The following EPB41 variants were observed in gnomAD, a reference collection of about 807,000 sequenced individuals.
EPB41 encodes erythrocyte membrane protein band 4.1.
A neutral mutation model predicts 108.0 loss-of-function variants in EPB41; 65 were observed. The observed-to-expected ratio is 0.60, with a 90% CI of 0.49 to 0.74. EPB41 has a LOEUF of 0.74. EPB41 is among the 30% of genes least tolerant of loss of function. The pLI is 0.00. For synonymous variants in EPB41, 336 were observed against 358.9 expected (o/e 0.94, Z 0.72); for missense variants, 875 against 1,037.0 (o/e 0.84, Z 2.15).
At chr1:29,090,781 G>A (rs142172013) in intron 16 of EPB41, among the ~76,000 whole-genome samples, 9 of 152,180 alleles carry the variant, frequency 5.9e-5, no homozygotes, top group Non-Finnish European at 1.3e-4. Flanking sequence ...AGGAAGTTGG[G>A]GTGGGAAGCC....
chr1:29,100,395 G>A lies in EPB41; in HGVS notation c.2313+2460G>A, dbSNP rs556606261. Among the ~76,000 whole-genome samples the A allele has an allele frequency of 9.4e-4, 138 of 146,574 alleles. 2 individuals are homozygous for A. The highest frequency in any genetic ancestry group is 1.1e-3 in the Non-Finnish European group (75 of 66,968). On this transcript the variant is annotated intron_variant, in intron 17 of 20. Transcript: ENST00000343067. Reference sequence around the variant, plus strand: ...GAGAATCGCTTGAATCTGGGAGGCGGAGGTTGCGGTTAGCCAAGATGGCGC... The same window carrying A: ...GAGAATCGCTTGAATCTGGGAGGCGAAGGTTGCGGTTAGCCAAGATGGCGC...
intron 1 of EPB41, among the ~76,000 whole-genome samples, chr1:28,982,909 C>T (rs1383147284): frequency 6.6e-6 from 1 of 152,054 alleles, no homozygotes; most frequent in Non-Finnish European, 1.5e-5. Context: ...AATGTAAATA[C>T]ATATCTTTAA....
chr1:28,947,071 G>T (rs1330831236), intron 1 of EPB41, among the ~76,000 whole-genome samples: 2 of 152,210 alleles, frequency 1.3e-5, no homozygotes, highest in Non-Finnish European at 2.9e-5. Context: ...CACCAGATAT[G>T]CAAGGGAAGG....
At chr1:28,998,888 A>G (rs2096241285) in intron 4 of EPB41, among the ~76,000 whole-genome samples, 1 of 152,246 alleles carries the variant, frequency 6.6e-6, no homozygotes, top group African/African-American at 2.4e-5. Flanking sequence ...GTATTAAAAA[A>G]TCATAACATC....
chr1:29,087,442 A>C (rs948463504), intron 16 of EPB41, among the ~76,000 whole-genome samples: 1 of 152,018 alleles, frequency 6.6e-6, no homozygotes, highest in Non-Finnish European at 1.5e-5. Flanking sequence ...AGCTCACTGC[A>C]ACCTCCACGT....
chr1:28,891,832 T>C (rs2147819928), intron 1 of EPB41, among the ~76,000 whole-genome samples: 1 of 152,242 alleles, frequency 6.6e-6, no homozygotes, highest in Admixed American at 6.5e-5. Context: ...CTCACACCTG[T>C]AATCCCAGCA....
At chr1:28,891,677 G>T (rs1209416532) in intron 1 of EPB41, among the ~76,000 whole-genome samples, 1 of 152,180 alleles carries the variant, frequency 6.6e-6, no homozygotes, top group Non-Finnish European at 1.5e-5. Context: ...GTGGTTGCTG[G>T]TCATTTTTCA....
At chr1:28,992,344 G>A (rs952924510) in intron 2 of EPB41, among the ~76,000 whole-genome samples, 4 of 152,028 alleles carry the variant, frequency 2.6e-5, no homozygotes, top group East Asian at 1.9e-4. Flanking sequence ...ATAATTAGTC[G>A]GGTTTAGATA....
intron 1 of EPB41, among the ~76,000 whole-genome samples, chr1:28,969,485 G>T (rs928955353): frequency 2.6e-5 from 4 of 152,048 alleles, no homozygotes; most frequent in Admixed American, 2.0e-4. Context: ...TGTGAAATTA[G>T]CCGGGCGCAG....
intron 1 of EPB41, among the ~76,000 whole-genome samples, chr1:28,898,228 C>G (rs1285689584): frequency 6.6e-6 from 1 of 152,078 alleles, no homozygotes; most frequent in East Asian, 1.9e-4. Flanking sequence ...CCTTCCTGCA[C>G]CCTCACAACT....
chr1:29,052,499 T>G (rs1411342447), intron 11 of EPB41, among the ~76,000 whole-genome samples: 1 of 152,240 alleles, frequency 6.6e-6, no homozygotes. Context: ...TTGTGTTATT[T>G]TAATCAAATG....
intron 1 of EPB41, among the ~76,000 whole-genome samples, chr1:28,926,472 A>T (rs2093452977): frequency 1.3e-5 from 2 of 152,188 alleles, no homozygotes; most frequent in Non-Finnish European, 2.9e-5. Context: ...AGCAAGCGAA[A>T]ATTCGCTTCA....
At chr1:28,909,452 A>G (rs1296609116) in intron 1 of EPB41, among the ~76,000 whole-genome samples, 1 of 151,920 alleles carries the variant, frequency 6.6e-6, no homozygotes, top group Non-Finnish European at 1.5e-5. Flanking sequence ...TGGGCAACAG[A>G]GTGAGACCCT....
At chr1:28,917,999 G>A (rs1243663118) in intron 1 of EPB41, among the ~76,000 whole-genome samples, 1 of 152,112 alleles carries the variant, frequency 6.6e-6, no homozygotes, top group East Asian at 1.9e-4. Flanking sequence ...GTTTCATATT[G>A]CTAATCTGAT....
chr1:29,038,876 A>G (rs1287354634), intron 10 of EPB41, among the ~76,000 whole-genome samples: 1 of 152,218 alleles, frequency 6.6e-6, no homozygotes, highest in Non-Finnish European at 1.5e-5. Context: ...CTGGGCTTCG[A>G]CTTTGTTACT....
intron 15 of EPB41, among the ~76,000 whole-genome samples, chr1:29,061,676 C>G (rs1222258585): frequency 7.0e-6 from 1 of 142,804 alleles, no homozygotes; most frequent in African/African-American, 2.6e-5. Flanking sequence ...GCCTCCTGGG[C>G]TCAAGCAATC....
chr1:28,951,696 A>G (rs555415870), intron 1 of EPB41, among the ~76,000 whole-genome samples: 4 of 152,226 alleles, frequency 2.6e-5, no homozygotes, highest in Non-Finnish European at 5.9e-5. Context: ...TCTACAAAAA[A>G]TACAAAAACT....
At position 29,048,317 on chromosome 1, in the gene EPB41, C is replaced by G. The variant is rs1460575562; in HGVS notation, c.1637-4787C>G. On this transcript the variant is annotated intron_variant, in intron 11 of 20. Transcript: ENST00000343067. ...GCAACCTCTGCCTCCCAGGTTCAAA[C>G]AATTCTCCTGCCTCAGCCTCCCGAG... 2.0e-5 allele frequency among the ~76,000 whole-genome samples: 3 copies of G among 151,986 alleles called. No homozygotes were observed. The East Asian group carries it at 5.8e-4, about 29-fold the overall frequency.
At chr1:28,998,424 C>T (rs748069578) in intron 4 of EPB41, among the ~76,000 whole-genome samples, 3 of 152,108 alleles carry the variant, frequency 2.0e-5, no homozygotes, top group African/African-American at 2.4e-5. Flanking sequence ...CTTGTAGACA[C>T]TGAATTTAAG....
Sources: allele counts gnomAD v4.1 joint callset (sites outside exome capture counted in the v4.1 genomes callset), GRCh38; gene constraint gnomAD v4.1.1; transcripts MANE v1.5; gene names NCBI Gene and HGNC (gene_info 2026-07-23, HGNC 2026-07-21).